Variants in ART3 observed in about 807,000 individuals in gnomAD.
ART3 encodes ADP-ribosyltransferase 3 (inactive).
A neutral mutation model predicts 48.5 loss-of-function variants in ART3; 49 were observed. The observed-to-expected ratio is 1.01, with a 90% confidence interval of 0.80 to 1.28. The LOEUF (loss-of-function observed/expected upper bound fraction) is 1.28. Among genes scored for constraint, ART3 ranks in the 50% most tolerant of loss-of-function variants. The pLI is 0.00. For synonymous variants in ART3, 145 were observed against 157.2 expected (o/e 0.92, Z 0.58); for missense variants, 438 against 454.3 (o/e 0.96, Z 0.33).
chr4:76,056,504 T>C (rs1280561822), intron 1 of ART3, among the ~76,000 whole-genome samples: 1 of 152,144 alleles, frequency 6.6e-6, no homozygotes, highest in Non-Finnish European at 1.5e-5. Context: ...GAAAAAGAGT[T>C]GCAGGTTTAG....
At position 76,035,124 on chromosome 4, in the gene ART3, T is replaced by TA. The variant is rs776868126; in HGVS notation, c.-10+23808dup. ...TTATTTTCTTTCAGGGTAATACTGT[T>TA]AAAAGAACATACAAGAGTCTTAAAG... On this transcript the variant is annotated intron_variant, in intron 1 of 9. Coordinates refer to the ART3 transcript ENST00000341029. The TA allele has an allele frequency of 2.6e-6, 4 of 1,558,962 alleles. No individual in the cohort carries two copies. In the South Asian group the frequency reaches 3.3e-5, roughly 13 times the overall value.
chr4:76,015,545 A>G (rs1732179022), intron 1 of ART3, among the ~76,000 whole-genome samples: 1 of 152,256 alleles, frequency 6.6e-6, no homozygotes, highest in Non-Finnish European at 1.5e-5. Context: ...AATAGCTGAA[A>G]GGCAAAGTAA....
intron 1 of ART3, among the ~76,000 whole-genome samples, chr4:76,050,996 C>T (rs1199902360): frequency 6.6e-6 from 1 of 152,174 alleles, no homozygotes; most frequent in Non-Finnish European, 1.5e-5. Flanking sequence ...TCCAGCTGGC[C>T]TGCAAGCCCA....
At chr4:76,041,879 G>A (rs1247751211) in intron 1 of ART3, among the ~76,000 whole-genome samples, 2 of 152,104 alleles carry the variant, frequency 1.3e-5, no homozygotes, top group African/African-American at 2.4e-5. Flanking sequence ...TTCCCTAGTT[G>A]TTTTCTTCTT....
At chr4:76,103,142 CTCACTGTT>C (rs1426527436) in intron 8 of ART3, among the ~76,000 whole-genome samples, 1 of 152,130 alleles carries the variant, frequency 6.6e-6, no homozygotes, top group Non-Finnish European at 1.5e-5. Context: ...AAGCCAGAGG[CTCACTGTT>C]TCACCTGGGA....
intron 1 of ART3, among the ~76,000 whole-genome samples, chr4:76,067,625 A>G (rs1409806421): frequency 6.6e-6 from 1 of 152,160 alleles, no homozygotes; most frequent in Non-Finnish European, 1.5e-5. Context: ...AGGAATATGT[A>G]TTTCTCTTTA....
At chr4:76,023,664 C>T (rs1248634384) in intron 1 of ART3, among the ~76,000 whole-genome samples, 3 of 152,144 alleles carry the variant, frequency 2.0e-5, no homozygotes, top group East Asian at 1.9e-4. Context: ...CTCCAAGTTA[C>T]GGAATTTCCC....
At chr4:76,080,639 T>G (rs1722250829) in intron 2 of ART3, among the ~76,000 whole-genome samples, 1 of 152,154 alleles carries the variant, frequency 6.6e-6, no homozygotes, top group Admixed American at 6.5e-5. Context: ...GCTTCCTAAG[T>G]AGCTGGGATT....
In ART3 at chr4:76,100,404, G is replaced by A. The variant is rs960169943; in HGVS notation, c.877+84G>A. 3.9e-5 allele frequency: 53 copies of A among 1,366,026 alleles called. No homozygotes were observed. The African/African-American group carries it at 5.3e-4, about 14-fold the overall frequency. 84.6% of individuals were successfully genotyped at this position (1,366,026 alleles called of 1,614,324 possible). On this transcript the variant is annotated intron_variant, in intron 6 of 11. Transcript: ENST00000355810. ...TCCCAGCACTTTGGGAGGCCGAGGC[G>A]GGAGGATCATGAGGTCAGGAGATTG...
intron 1 of ART3, among the ~76,000 whole-genome samples, chr4:76,033,474 C>T (rs1734059821): frequency 6.6e-6 from 1 of 152,144 alleles, no homozygotes; most frequent in Non-Finnish European, 1.5e-5. Context: ...CTCCCACCAA[C>T]ACTCACATAA....
At chr4:76,057,499 A>G (rs1718804909) in intron 1 of ART3, among the ~76,000 whole-genome samples, 1 of 152,232 alleles carries the variant, frequency 6.6e-6, no homozygotes, top group East Asian at 1.9e-4. Flanking sequence ...CTGTAAATCT[A>G]ATATTAACTC....
chr4:76,105,569 A>G (rs1728290584), intron 10 of ART3: 1 of 1,288,184 alleles, frequency 7.8e-7, no homozygotes, highest in Non-Finnish European at 1.0e-6. Flanking sequence ...TATATTCTTT[A>G]TTGGGGGTGG....
intron 1 of ART3, among the ~76,000 whole-genome samples, chr4:76,014,959 T>C (rs1732128074): frequency 6.6e-6 from 1 of 152,152 alleles, no homozygotes; most frequent in South Asian, 2.1e-4. Flanking sequence ...CTGGCAAAAC[T>C]ACCCTTCAAG....
At chr4:76,093,130 G>A (rs554018443) in intron 3 of ART3, among the ~76,000 whole-genome samples, 9 of 152,094 alleles carry the variant, frequency 5.9e-5, no homozygotes, top group Non-Finnish European at 1.2e-4. Context: ...GTCAGAAACA[G>A]CATGTTGATG....
chr4:76,056,737 C>G (rs961420767), intron 1 of ART3, among the ~76,000 whole-genome samples: 1 of 152,070 alleles, frequency 6.6e-6, no homozygotes, highest in African/African-American at 2.4e-5. Flanking sequence ...AAAATACGTA[C>G]TAGATTAGAT....
chr4:76,023,518 G>T, intron 1 of ART3: 1 of 1,218,792 alleles, frequency 8.2e-7, no homozygotes, highest in Non-Finnish European at 1.2e-6. Flanking sequence ...GGGCTAGTGT[G>T]CCATATTTAT....
intron 1 of ART3, among the ~76,000 whole-genome samples, chr4:76,030,865 A>C (rs12508110): frequency 0.053 from 8,005 of 152,096 alleles, 548 homozygotes; most frequent in African/African-American, 0.16. Flanking sequence ...CATTTTATCC[A>C]TTCACTTGTT....
rs890634075 is a variant in ART3, at chr4:76,111,685, G to A, written c.1037-701G>A. Among the ~76,000 whole-genome samples, 16 of 152,214 alleles carry A rather than the reference G, an allele frequency of 1.1e-4. 1 individual carries two copies. Among genetic ancestry groups the A allele is most frequent in the African/African-American group, 3.9e-4 (16 of 41,534 alleles). ...AGCCTCCTGAGTAGCGGGGACTACAGGCGCCCGCCACCACGCCCGGCTAAT... is the reference window on the plus strand; with the variant it reads ...AGCCTCCTGAGTAGCGGGGACTACAAGCGCCCGCCACCACGCCCGGCTAAT... On this transcript the variant is annotated intron_variant, in intron 11 of 11. Transcript: ENST00000355810.
intron 9 of ART3, 55 bp downstream of exon 9, chr4:76,104,024 C>A: frequency 6.5e-7 from 1 of 1,549,006 alleles, no homozygotes; most frequent in Non-Finnish European, 8.9e-7. Flanking sequence ...AGCAGGATTC[C>A]CAGGCATTTA....
Sources: gnomAD v4.1 joint callset for allele counts (sites outside exome capture counted in the v4.1 genomes callset) on GRCh38, gnomAD v4.1.1 for gene constraint, MANE v1.5 for transcripts, NCBI Gene and HGNC (gene_info 2026-07-23, HGNC 2026-07-21) for gene names.